PTPRT: variants seen among roughly 807,000 people sequenced by gnomAD.
PTPRT encodes receptor-type tyrosine-protein phosphatase T.
Under a neutral mutation model 176.8 loss-of-function variants are expected in PTPRT, and 56 were observed. The ratio of observed to expected loss-of-function variants is 0.32; its 90% CI spans 0.26 to 0.40. The LOEUF is 0.40. Ranked by LOEUF, PTPRT falls within the 10% of genes least tolerant of loss-of-function variation. The pLI, the probability that PTPRT is intolerant of heterozygous loss-of-function variation, is 1.00. For synonymous variants in PTPRT, 783 were observed against 739.0 expected, an observed-to-expected ratio of 1.06 and a Z score of -0.96; for missense variants, 1,540 against 1,908.2, an observed-to-expected ratio of 0.81 and a Z score of 3.60.
chr20:42,601,410 A>G (rs13045132), intron 7 of PTPRT, among the ~76,000 whole-genome samples: 37,448 of 152,116 alleles, frequency 0.25, 4,995 homozygotes, highest in Non-Finnish European at 0.3. Flanking sequence ...GCATCAGCAC[A>G]TGTCACGATT....
chr20:42,668,957 G>A (rs946837543), intron 7 of PTPRT, among the ~76,000 whole-genome samples: 3 of 139,656 alleles, frequency 2.1e-5, no homozygotes, highest in East Asian at 2.3e-4. Context: ...TGATCCGCCC[G>A]CCTCGGCCTC....
At chr20:42,469,466 G>A (rs1294219967) in intron 8 of PTPRT, among the ~76,000 whole-genome samples, 1 of 152,166 alleles carries the variant, frequency 6.6e-6, no homozygotes, top group Non-Finnish European at 1.5e-5. Context: ...GCCTCCCAGA[G>A]TGCTGGGATT....
intron 6 of PTPRT, among the ~76,000 whole-genome samples, chr20:42,751,090 A>T (rs1400271230): frequency 6.6e-6 from 1 of 152,132 alleles, no homozygotes; most frequent in African/African-American, 2.4e-5. Context: ...CCATCTCAGG[A>T]TCACACGTGA....
rs999114432 is a variant in PTPRT, at chr20:42,798,884, C to T, written c.215-7418G>A. Among the ~76,000 whole-genome samples, 5 of 151,882 alleles carry T rather than the reference C, an allele frequency of 3.3e-5. No homozygotes were observed. The South Asian group carries it at 6.2e-4, about 19-fold the overall frequency. On this transcript the variant is annotated intron_variant, in intron 2 of 30. Coordinates refer to ENST00000373187, the MANE Select transcript of PTPRT (RefSeq NM_007050.6). Reference sequence around the variant, plus strand: ...AACCCCCAGTGATTGGATTTGAAGGCGCACTGGTGGAGAGGCTCTGCTAAC... The same window carrying T: ...AACCCCCAGTGATTGGATTTGAAGGTGCACTGGTGGAGAGGCTCTGCTAAC...
At chr20:42,441,491 A>G (rs2059315516) in intron 9 of PTPRT, among the ~76,000 whole-genome samples, 1 of 152,224 alleles carries the variant, frequency 6.6e-6, no homozygotes, top group Non-Finnish European at 1.5e-5. Flanking sequence ...CAGATCCTTC[A>G]GTGCCTCGAA....
In PTPRT at chr20:42,106,669, T is replaced by C. The variant is rs1024262513; in HGVS notation, c.3390+117A>G. ...ACGTGTCTACTCCCTCCTGCTTCTCTCACACCCAGGTCCTTTCCATAGGAT... is the reference window on the plus strand; with the variant it reads ...ACGTGTCTACTCCCTCCTGCTTCTCCCACACCCAGGTCCTTTCCATAGGAT... On this transcript the variant is annotated intron_variant, in intron 24 of 30. Transcript: ENST00000373187. 5 of 1,375,938 alleles carry C rather than the reference T, an allele frequency of 3.6e-6. No individual in the cohort carries two copies. The Admixed American group carries it at 1.0e-4, about 28-fold the overall frequency. The allele number at this position is 1,375,938 out of a possible 1,614,324, so 85.2% of individuals were successfully genotyped here. A position where few individuals can be genotyped will look rare whatever the true frequency, so the allele number is the denominator to read the frequency against.
At chr20:42,697,498 GGTCA>G (rs916457659) in intron 6 of PTPRT, among the ~76,000 whole-genome samples, 10 of 152,176 alleles carry the variant, frequency 6.6e-5, no homozygotes, top group African/African-American at 1.4e-4. Flanking sequence ...GTAAGGAAAT[GGTCA>G]GTAAGATATG....
chr20:42,334,652 A>C (rs190530653), intron 11 of PTPRT, among the ~76,000 whole-genome samples: 3 of 152,224 alleles, frequency 2.0e-5, no homozygotes, highest in Admixed American at 6.5e-5. Context: ...TAATCTGGCA[A>C]TGGTTTTCAA....
intron 11 of PTPRT, among the ~76,000 whole-genome samples, chr20:42,346,474 A>G (rs889528593): frequency 6.6e-6 from 1 of 152,204 alleles, no homozygotes; most frequent in African/African-American, 2.4e-5. Context: ...CAATTCTGGG[A>G]TTCTGTCACT....
At chr20:42,738,133 C>T (rs549473533) in intron 6 of PTPRT, among the ~76,000 whole-genome samples, 3 of 152,258 alleles carry the variant, frequency 2.0e-5, no homozygotes, top group South Asian at 4.2e-4. Flanking sequence ...GAATACAAGT[C>T]ATCCTGTGAC....
At chr20:42,346,216 G>T (rs141336899) in intron 11 of PTPRT, among the ~76,000 whole-genome samples, 1 of 152,138 alleles carries the variant, frequency 6.6e-6, no homozygotes, top group African/African-American at 2.4e-5. Flanking sequence ...GAGGGGGAAA[G>T]AACATTTCCA....
At chr20:42,296,570 G>C (rs2057390638) in intron 12 of PTPRT, among the ~76,000 whole-genome samples, 2 of 151,902 alleles carry the variant, frequency 1.3e-5, no homozygotes, top group South Asian at 4.1e-4. Context: ...ACACCAGAAA[G>C]TATTATAAAA....
intron 15 of PTPRT, among the ~76,000 whole-genome samples, chr20:42,230,232 G>C (rs931823911): frequency 6.6e-6 from 1 of 152,190 alleles, no homozygotes; most frequent in East Asian, 1.9e-4. Context: ...AGTATCTGTG[G>C]ACAGAAACCA....
At position 42,821,762 on chromosome 20, in the gene PTPRT, T is replaced by C. The variant is rs142391483; in HGVS notation, c.215-30296A>G. Among the ~76,000 whole-genome samples, 135 of 151,912 alleles carry C rather than the reference T, an allele frequency of 8.9e-4. 1 individual carries two copies. The highest frequency in any genetic ancestry group is 3.4e-3 in the Middle Eastern group (1 of 294). On this transcript the variant is annotated intron_variant, in intron 2 of 30. Transcript: ENST00000373187. ...AAATATCACAAGCATTCCTTTACAC[T>C]GACAATAGGCAAGCAGAGAGCCAAA...
chr20:42,814,895 C>T (rs1255378089), intron 2 of PTPRT, among the ~76,000 whole-genome samples: 3 of 151,986 alleles, frequency 2.0e-5, no homozygotes, highest in Non-Finnish European at 4.4e-5. Flanking sequence ...AACCTAATTG[C>T]CTTCCATAAC....
rs1555809832 is a variant in PTPRT at position 42,257,656 on chromosome 20, C to CG, written c.2177-8835dup. Among the ~76,000 whole-genome samples, 26 of 99,064 alleles carry CG rather than the reference C, an allele frequency of 2.6e-4. 1 individual carries two copies. Among genetic ancestry groups the CG allele is most frequent in the African/African-American group, 1.1e-3 (24 of 21,924 alleles). 65.0% of individuals were successfully genotyped at this position (99,064 alleles called of 152,430 possible). A position where few individuals can be genotyped will look rare whatever the true frequency, so the allele number is the denominator to read the frequency against. ...GCACCTCCCCCCACCCCCCCCCCCC[C>CG]GCCCACTACTCTCTCTTGATCCTGA... is the stretch of plus-strand genomic sequence containing the variant. On this transcript the variant is annotated intron_variant, in intron 13 of 30. Transcript: ENST00000373187.
intron 18 of PTPRT, among the ~76,000 whole-genome samples, chr20:42,138,772 C>A (rs1352151797): frequency 6.6e-6 from 1 of 152,240 alleles, no homozygotes; most frequent in Non-Finnish European, 1.5e-5. Context: ...AGAAACCCCA[C>A]TGTCTCTATT....
intron 2 of PTPRT, among the ~76,000 whole-genome samples, chr20:42,810,198 G>A (rs2077679161): frequency 6.6e-6 from 1 of 152,090 alleles, no homozygotes. Flanking sequence ...GGAGGCTGAG[G>A]CAGAAGAATC....
At chr20:42,333,047 TCTG>T (rs2057990847) in intron 11 of PTPRT, among the ~76,000 whole-genome samples, 1 of 152,228 alleles carries the variant, frequency 6.6e-6, no homozygotes, top group Non-Finnish European at 1.5e-5. Context: ...AAACCACCAC[TCTG>T]AGTTTTGGTG....
Sources: allele counts gnomAD v4.1 joint callset (sites outside exome capture counted in the v4.1 genomes callset), GRCh38; gene constraint gnomAD v4.1.1; transcripts MANE v1.5; gene names NCBI Gene and HGNC (gene_info 2026-07-23, HGNC 2026-07-21).